GNL1: variants seen among roughly 807,000 people sequenced by gnomAD.
GNL1 encodes the protein G protein nucleolar 1.
In GNL1, 21 loss-of-function variants were observed where a neutral mutation model predicts 75.2. That is an observed-to-expected ratio of 0.28 (90% CI 0.20 to 0.40). GNL1 has a LOEUF of 0.40. Among genes scored for constraint, GNL1 ranks in the 10% least tolerant of loss-of-function variants. The probability of loss-of-function intolerance (pLI) is 1.00; values close to 1 mark genes in which losing one functional copy is unlikely to be tolerated. For missense variants in GNL1, 579 were observed against 775.0 expected (o/e 0.75, Z 3.00); for synonymous variants, 287 against 303.4 (o/e 0.95, Z 0.56).
intron 8 of GNL1, among the ~76,000 whole-genome samples, chr6:30,550,671 C>T (rs540382875): frequency 2.0e-5 from 3 of 152,250 alleles, no homozygotes; most frequent in Non-Finnish European, 4.4e-5. Context: ...TCAAAACCTA[C>T]CCTTGGCTTC....
At chr6:30,553,935 G>A (rs1799967159) in intron 5 of GNL1, among the ~76,000 whole-genome samples, 2 of 152,244 alleles carry the variant, frequency 1.3e-5, no homozygotes, top group Non-Finnish European at 2.9e-5. Context: ...ATGCATGCAT[G>A]CAAGTACGTG....
rs1800184095 is a variant in GNL1, at chr6:30,556,274, G to GC, written c.-72dup. The GC allele has an allele frequency of 1.3e-6, 2 of 1,499,722 alleles. No homozygotes were observed. The highest frequency in any genetic ancestry group is 1.4e-5 in the African/African-American group (1 of 72,582). The allele number at this position is 1,499,722 out of a possible 1,614,324, so 92.9% of individuals were successfully genotyped here. On this transcript the variant is annotated 5_prime_UTR_variant, in exon 1 of 12. Coordinates refer to ENST00000376621, the MANE Select transcript of GNL1 (RefSeq NM_005275.5). The surrounding 1 kb of genome is among the most constrained non-coding windows in gnomAD (Gnocchi z 5.7). ...CCTCAACTGACTGCCCCCCGGGGCAGCCCCCGCCGCAGGGGCCCGGGACCC... is the reference window on the plus strand; with the variant it reads ...CCTCAACTGACTGCCCCCCGGGGCAGCCCCCCGCCGCAGGGGCCCGGGACCC...
In GNL1 at chr6:30,555,804, C is replaced by G; in HGVS notation, c.74-84G>C. On this transcript the variant is annotated intron_variant, in intron 1 of 11. Coordinates refer to ENST00000376621, the MANE Select transcript of GNL1 (RefSeq NM_005275.5). This position sits in a 1 kb window ranked among gnomAD's most constrained non-coding sequence, Gnocchi z 4.3. ...CTCCCCCATCGGCCTGACTCCCTTT[C>G]ATCCCACTCAACTTCTTCCGATGTT... is the stretch of plus-strand genomic sequence containing the variant. 2 of 1,390,406 alleles carry G rather than the reference C, an allele frequency of 1.4e-6. No individual in the cohort carries two copies. The highest frequency in any genetic ancestry group is 2.0e-6 in the Non-Finnish European group (2 of 1,000,912). 86.1% of individuals were successfully genotyped at this position (1,390,406 alleles called of 1,614,324 possible). A position where few individuals can be genotyped will look rare whatever the true frequency, so the allele number is the denominator to read the frequency against.
intron 3 of GNL1, 45 bp from the exon 4 acceptor site, chr6:30,554,960 T>C: frequency 6.2e-7 from 1 of 1,611,216 alleles, no homozygotes; most frequent in Non-Finnish European, 8.5e-7. Context: ...ATCTTCAGGA[T>C]TCAAGAGTAC....
chr6:30,551,944 C>CCTT (rs1799807726), intron 8 of GNL1, among the ~76,000 whole-genome samples: 1 of 152,084 alleles, frequency 6.6e-6, no homozygotes, highest in Non-Finnish European at 1.5e-5. Context: ...CTCACTGCAG[C>CCTT]CTTGAACTCT....
chr6:30,546,999 T>C lies in GNL1; in HGVS notation c.1441+113A>G, dbSNP rs1582493732. On this transcript the variant is annotated intron_variant, in intron 10 of 11. Transcript: ENST00000376621. This position sits in a 1 kb window ranked among gnomAD's most constrained non-coding sequence, Gnocchi z 5.1. ...TAGGGGTGAGTGGACAGCAGCTTCATCAATGGCAGAATCTCTGAGGAGAGG... is the reference window on the plus strand; with the variant it reads ...TAGGGGTGAGTGGACAGCAGCTTCACCAATGGCAGAATCTCTGAGGAGAGG... The C allele has an allele frequency of 7.0e-6, 8 of 1,148,178 alleles. No individual in the cohort carries two copies. In the East Asian group the frequency reaches 1.6e-4, roughly 23 times the overall value. 71.1% of individuals were successfully genotyped at this position (1,148,178 alleles called of 1,614,324 possible). A position where few individuals can be genotyped will look rare whatever the true frequency, so the allele number is the denominator to read the frequency against.
Position 30,553,175 on chromosome 6 carries a change from C to T in GNL1, c.813G>A (p.Leu271=). The part of the protein sequence containing the change: ...PRTPQDPSSV[L]KKSRRRGRGW... ...CTCTCCCCCGCCTCCGACTCTTCTTCAAGACTGAGATCAGAGGGCACAAAA... is the reference window on the plus strand; with the variant it reads ...CTCTCCCCCGCCTCCGACTCTTCTTTAAGACTGAGATCAGAGGGCACAAAA... The change falls in exon 7 of 12, where the codon TTG becomes TTA. Residue 271 remains leucine (L), a synonymous_variant. Coordinates refer to ENST00000376621, the MANE Select transcript of GNL1 (RefSeq NM_005275.5). 1 of 1,611,536 alleles carries T rather than the reference C, an allele frequency of 6.2e-7. No homozygotes were observed. The highest frequency in any genetic ancestry group is 8.5e-7 in the Non-Finnish European group (1 of 1,177,722).
chr6:30,554,300 C>T (rs535102481), intron 5 of GNL1, among the ~76,000 whole-genome samples: 30 of 152,272 alleles, frequency 2.0e-4, no homozygotes, highest in Admixed American at 1.2e-3. Context: ...TTCATAGAAT[C>T]CCTGGAGCTC....
rs767298599 is a variant in GNL1, at chr6:30,552,723, T to C, written c.905-62A>G. ...CAGGGCTGCTGTGCATGATGGCACA[T>C]ACTGTGCCCTGCACAGATTATGTAA... On this transcript the variant is annotated intron_variant, in intron 7 of 11. Transcript: ENST00000376621. The surrounding 1 kb of genome is among the most constrained non-coding windows in gnomAD (Gnocchi z 4.5). 19 of 1,419,756 alleles carry C rather than the reference T, an allele frequency of 1.3e-5. No homozygotes were observed. The highest frequency in any genetic ancestry group is 3.6e-5 in the Admixed American group (2 of 55,346). 87.9% of individuals were successfully genotyped at this position (1,419,756 alleles called of 1,614,324 possible).
chr6:30,546,492 A>C lies in GNL1; in HGVS notation c.1583-179T>G. On this transcript the variant is annotated intron_variant, in intron 11 of 11. Transcript: ENST00000376621. The surrounding 1 kb of genome is among the most constrained non-coding windows in gnomAD (Gnocchi z 5.1). Reference sequence around the variant, plus strand: ...AGATTGCTGAACAGAACCTTTGTGCACATCAACTTCAATCTTTACAATCAC... The same window carrying C: ...AGATTGCTGAACAGAACCTTTGTGCCCATCAACTTCAATCTTTACAATCAC... 3.0e-6 allele frequency: 2 copies of C among 666,004 alleles called. No homozygotes were observed. Among genetic ancestry groups the C allele is most frequent in the East Asian group, 2.7e-5 (1 of 36,396 alleles). 41.3% of individuals were successfully genotyped at this position (666,004 alleles called of 1,614,324 possible).
chr6:30,553,881 T>C (rs995044496), intron 5 of GNL1, among the ~76,000 whole-genome samples: 5 of 152,210 alleles, frequency 3.3e-5, no homozygotes, highest in African/African-American at 1.2e-4. Flanking sequence ...ATTAGTCTGC[T>C]TTTTTGTGTG....
chr6:30,555,980 G>T lies in GNL1; in HGVS notation c.73+151C>A, dbSNP rs985444459. 1 of 978,662 alleles carries T rather than the reference G, an allele frequency of 1.0e-6. No homozygotes were observed. Among genetic ancestry groups the T allele is most frequent in the African/African-American group, 1.6e-5 (1 of 62,782 alleles). The allele number at this position is 978,662 out of a possible 1,614,324, so 60.6% of individuals were successfully genotyped here. A position where few individuals can be genotyped will look rare whatever the true frequency, so the allele number is the denominator to read the frequency against. On this transcript the variant is annotated intron_variant, in intron 1 of 11. Transcript: ENST00000376621. The surrounding 1 kb of genome is among the most constrained non-coding windows in gnomAD (Gnocchi z 4.3). ...CTTCCCCACCCCTTCCAGATGTAGGGGGGGTGGGGGATCCCCTCCGCGATA... is the reference window on the plus strand; with the variant it reads ...CTTCCCCACCCCTTCCAGATGTAGGTGGGGTGGGGGATCCCCTCCGCGATA...
chr6:30,552,759 C>G lies in GNL1; in HGVS notation c.905-98G>C. 1 of 1,127,652 alleles carries G rather than the reference C, an allele frequency of 8.9e-7. No individual in the cohort carries two copies. The highest frequency in any genetic ancestry group is 1.6e-5 in the African/African-American group (1 of 64,258). The allele number at this position is 1,127,652 out of a possible 1,614,324, so 69.9% of individuals were successfully genotyped here. A position where few individuals can be genotyped will look rare whatever the true frequency, so the allele number is the denominator to read the frequency against. On this transcript the variant is annotated intron_variant, in intron 7 of 11. Transcript: ENST00000376621. This position sits in a 1 kb window ranked among gnomAD's most constrained non-coding sequence, Gnocchi z 4.5. ...GCACAGATTATGTAACTGGCACCCT[C>G]TGGAGTTGTACAGTGCCAACCTAAA...
Position 30,555,425 on chromosome 6 carries a change from G to C in GNL1, c.239+130C>G, listed in dbSNP as rs975959476. On this transcript the variant is annotated intron_variant, in intron 2 of 11. Coordinates refer to ENST00000376621, the MANE Select transcript of GNL1 (RefSeq NM_005275.5). This position sits in a 1 kb window ranked among gnomAD's most constrained non-coding sequence, Gnocchi z 4.3. ...GGAAGACTGTGGCCCGCTGTGGGGA[G>C]CCGAGTGGCTAGCGGAGAACTGTGG... 3 of 1,029,410 alleles carry C rather than the reference G, an allele frequency of 2.9e-6. No individual in the cohort carries two copies. Among genetic ancestry groups the C allele is most frequent in the Admixed American group, 2.1e-5 (1 of 46,708 alleles). 63.8% of individuals were successfully genotyped at this position (1,029,410 alleles called of 1,614,324 possible). A position where few individuals can be genotyped will look rare whatever the true frequency, so the allele number is the denominator to read the frequency against.
rs766140095 is a variant in GNL1, at chr6:30,554,801, G to A, written c.491C>T (p.Ser164Phe). ...CTCAAAGTAGCTGAGTTTCTCAGAG[G>A]AGTAAGCCCCATGAATCTTCCCAAG... ...DYLGKIHGAY[S>F]SEKLSYFEHN... is the part of the protein sequence containing the mutation. The change falls in exon 4 of 12, where the codon TCC becomes TTC. Residue 164 changes from serine (S) to phenylalanine (F), a missense_variant. Physicochemically the swap from Ser to Phe is radical, Grantham distance 155. Coordinates refer to ENST00000376621, the MANE Select transcript of GNL1 (RefSeq NM_005275.5). The A allele has an allele frequency of 1.2e-6, 2 of 1,612,794 alleles. No individual in the cohort carries two copies. Among genetic ancestry groups the A allele is most frequent in the African/African-American group, 2.7e-5 (2 of 74,912 alleles).
In GNL1 at chr6:30,554,885, C is replaced by T; in HGVS notation, c.407G>A (p.Ser136Asn). Reference sequence around the variant, plus strand: ...TAGTTGCTCCTTGGACATCTCATAGCTCCAAGGAGGACGTCGAGGAAAGTC... The same window carrying T: ...TAGTTGCTCCTTGGACATCTCATAGTTCCAAGGAGGACGTCGAGGAAAGTC... The part of the protein sequence containing the change: ...VLDFPRRPPW[S>N]YEMSKEQLMS... Residue 136 changes from serine (S) to asparagine (N), a missense_variant, in exon 4 of 12, where the codon AGC (serine) becomes AAC (asparagine). Transcript: ENST00000376621. The T allele has an allele frequency of 6.2e-7, 1 of 1,612,454 alleles. No individual in the cohort carries two copies. The highest frequency in any genetic ancestry group is 8.5e-7 in the Non-Finnish European group (1 of 1,179,496).
chr6:30,545,787 G>C lies in GNL1; in HGVS notation c.*285C>G. 4.5e-6 allele frequency: 2 copies of C among 448,084 alleles called. No homozygotes were observed. The highest frequency in any genetic ancestry group is 3.9e-6 in the Non-Finnish European group (1 of 255,060). The allele number at this position is 448,084 out of a possible 1,614,324, so 27.8% of individuals were successfully genotyped here. On this transcript the variant is annotated 3_prime_UTR_variant, in exon 12 of 12. Coordinates refer to ENST00000376621, the MANE Select transcript of GNL1 (RefSeq NM_005275.5). ...TAGATAACGGGATTCCTAAGGTGCA[G>C]AGTGGGAGAATGGGTAGAGGAAGCA...
At position 30,552,673 on chromosome 6, in the gene GNL1, A is replaced by G. The variant is rs748685725; in HGVS notation, c.905-12T>C. On this transcript the variant is annotated splice_polypyrimidine_tract_variant and intron_variant, in intron 7 of 11. Transcript: ENST00000376621. This position sits in a 1 kb window ranked among gnomAD's most constrained non-coding sequence, Gnocchi z 4.5. ...GCTGCTCAAGTCCACTGCTCAAAGAAGGAGAAGATTAAAGAGGTTCTCCCC... is the reference window on the plus strand; with the variant it reads ...GCTGCTCAAGTCCACTGCTCAAAGAGGGAGAAGATTAAAGAGGTTCTCCCC... 11 of 1,609,942 alleles carry G rather than the reference A, an allele frequency of 6.8e-6. No homozygotes were observed. The Admixed American group carries it at 1.5e-4, about 22-fold the overall frequency.
At position 30,554,758 on chromosome 6, in the gene GNL1, T is replaced by A. The variant is rs1800026120; in HGVS notation, c.528+6A>T. 2 of 1,612,674 alleles carry A rather than the reference T, an allele frequency of 1.2e-6. No homozygotes were observed. The highest frequency in any genetic ancestry group is 1.7e-6 in the Non-Finnish European group (2 of 1,179,774). ...CCCCACTCCTGTCCCTAGAGTACAC[T>A]GTCACCTCCAGATTGTGCTCAAAGT... On this transcript the variant is annotated splice_donor_region_variant and intron_variant, in intron 4 of 11. Transcript: ENST00000376621.
Sources: allele counts gnomAD v4.1 joint callset (sites outside exome capture counted in the v4.1 genomes callset), GRCh38; gene constraint gnomAD v4.1.1; non-coding constraint Gnocchi (gnomAD v3.1); transcripts MANE v1.5; gene names NCBI Gene and HGNC (gene_info 2026-07-23, HGNC 2026-07-21).